Variants in HINFP observed in about 807,000 individuals in gnomAD.
HINFP encodes the protein MBD2 (methyl-CpG-binding protein)-interacting zinc finger protein.
Under a neutral mutation model 50.1 loss-of-function variants are expected in HINFP, and 20 were observed. That is an observed-to-expected ratio of 0.40 (90% confidence interval 0.28 to 0.58). The LOEUF (loss-of-function observed/expected upper bound fraction) is 0.58. Among genes scored for constraint, HINFP ranks in the 20% least tolerant of loss-of-function variants. HINFP has a pLI of 0.45. For missense variants in HINFP, 505 were observed against 664.1 expected, an observed-to-expected ratio of 0.76 and a Z score of 2.63; for synonymous variants, 247 against 243.7, an observed-to-expected ratio of 1.01 and a Z score of -0.13.
At chr11:119,124,139 T>C (rs1430754199) in intron 1 of HINFP, 1 of 152,122 alleles carries the variant, frequency 6.6e-6, no homozygotes, top group Non-Finnish European at 1.5e-5. Context: ...GTAATAGGGA[T>C]TCACTAGTAG....
intron 1 of HINFP, among the ~76,000 whole-genome samples, chr11:119,122,363 C>T (rs1947117984): frequency 6.6e-6 from 1 of 152,196 alleles, no homozygotes; most frequent in Admixed American, 6.5e-5. Context: ...AATATTTGTG[C>T]TCGGCACAGT....
chr11:119,125,577 T>G (rs1470967274), intron 1 of HINFP: 1 of 152,148 alleles, frequency 6.6e-6, no homozygotes, highest in African/African-American at 2.4e-5. Context: ...CTTGGGAGGC[T>G]GAGGTAGGAG....
chr11:119,131,461 A>G lies in HINFP; in HGVS notation c.412-74A>G. The G allele has an allele frequency of 9.7e-7, 1 of 1,029,444 alleles. No individual in the cohort carries two copies. Among genetic ancestry groups the G allele is most frequent in the South Asian group, 1.3e-5 (1 of 79,080 alleles). 63.8% of individuals were successfully genotyped at this position (1,029,444 alleles called of 1,614,324 possible). ...ATCAAGTTAATTTGGGAGAGAGCCA[A>G]GAATTCTTCGGGCACATAGGGGTGA... On this transcript the variant is annotated intron_variant, in intron 3 of 9. Coordinates refer to ENST00000350777, the MANE Select transcript of HINFP (RefSeq NM_198971.3). This position sits in a 1 kb window ranked among gnomAD's most constrained non-coding sequence, Gnocchi z 4.2.
At position 119,134,059 on chromosome 11, in the gene HINFP, G is replaced by A. The variant is rs1324629513; in HGVS notation, c.1140-25G>A. ...CTGTATCCCCCTGCCTGGGTTTGCT[G>A]CCCTTTATGCTCCTACCTCACCAGG... On this transcript the variant is annotated intron_variant, in intron 9 of 9. Coordinates refer to ENST00000350777, the MANE Select transcript of HINFP (RefSeq NM_198971.3). The surrounding 1 kb of genome is among the most constrained non-coding windows in gnomAD (Gnocchi z 4.3). The A allele has an allele frequency of 6.2e-7, 1 of 1,613,662 alleles. No homozygotes were observed. Among genetic ancestry groups the A allele is most frequent in the Non-Finnish European group, 8.5e-7 (1 of 1,179,758 alleles).
In HINFP at chr11:119,134,334, A is replaced by C; in HGVS notation, c.1390A>C (p.Ile464Leu). Residue 464 changes from isoleucine to leucine, a missense_variant, in exon 10 of 10, where the codon ATC becomes CTC. Coordinates refer to ENST00000350777, the MANE Select transcript of HINFP (RefSeq NM_198971.3). The surrounding 1 kb of genome is among the most constrained non-coding windows in gnomAD (Gnocchi z 4.3). ...CTCTCAGGACAACCCCAGTTCTGTC[A>C]TCCACGTGGTGAATCAGACCAATGC... ...SASQDNPSSVIHVVNQTNAQG... is the reference protein window; with the variant it reads ...SASQDNPSSVLHVVNQTNAQG... 19 of 1,614,186 alleles carry C rather than the reference A, an allele frequency of 1.2e-5. No individual in the cohort carries two copies. Among genetic ancestry groups the C allele is most frequent in the Non-Finnish European group, 1.6e-5 (19 of 1,180,002 alleles).
chr11:119,134,112 C>T lies in HINFP; in HGVS notation c.1168C>T (p.Arg390Trp), dbSNP rs867721201. 4.3e-6 allele frequency: 7 copies of T among 1,614,122 alleles called. No homozygotes were observed. The highest frequency in any genetic ancestry group is 5.9e-6 in the Non-Finnish European group (7 of 1,180,038). Residue 390 changes from arginine (R) to tryptophan (W), a missense_variant, in exon 10 of 10, where the codon CGG (arginine) becomes TGG (tryptophan). Physicochemically the swap from Arg to Trp is moderately radical, Grantham distance 101 (BLOSUM62 -3). Transcript: ENST00000350777. The surrounding 1 kb of genome is among the most constrained non-coding windows in gnomAD (Gnocchi z 4.3). ...CAAGGAACATGAAGATGGCTATATG[C>T]GGCTGCAGCTGGTTCGCTACGAGAG... Reference protein sequence around the residue: ...RYKEHEDGYMRLQLVRYESVE... With the variant: ...RYKEHEDGYMWLQLVRYESVE...
intron 2 of HINFP, chr11:119,127,389 G>T: frequency 8.0e-6 from 2 of 249,560 alleles, no homozygotes; most frequent in Non-Finnish European, 1.5e-5. Flanking sequence ...CTCTGCCTGT[G>T]TTTACATATA....
rs1205933418 is a variant in HINFP at position 119,135,112 on chromosome 11, C to T, written c.*614C>T. 1 of 152,624 alleles carries T rather than the reference C, an allele frequency of 6.6e-6. No individual in the cohort carries two copies. The highest frequency in any genetic ancestry group is 2.4e-5 in the African/African-American group (1 of 41,418). 9.5% of individuals were successfully genotyped at this position (152,624 alleles called of 1,614,324 possible). A position where few individuals can be genotyped will look rare whatever the true frequency, so the allele number is the denominator to read the frequency against. ...CTAGGTAATGAGGAGATACAGCCAC[C>T]CAGAAGAGGAGCTGAATAGTTAGGC... On this transcript the variant is annotated 3_prime_UTR_variant, in exon 10 of 10. Transcript: ENST00000350777.
rs759402292 is a variant in HINFP, at chr11:119,134,441, G to T, written c.1497G>T (p.Gly499=). The change falls in exon 10 of 10, where the codon GGG becomes GGT. Residue 499 remains glycine, a synonymous_variant. Transcript: ENST00000350777. The surrounding 1 kb of genome is among the most constrained non-coding windows in gnomAD (Gnocchi z 4.3). The part of the protein sequence containing the change: ...EPPPAPEPPS[G]GIMEKLQGIA... ...CCCCAGCCCCTGAGCCACCTTCAGG[G>T]GGCATCATGGAAAAGCTTCAAGGAA... The T allele has an allele frequency of 6.2e-7, 1 of 1,613,510 alleles. No individual in the cohort carries two copies.
Position 119,129,459 on chromosome 11 carries a change from A to C in HINFP, c.182-1266A>C, listed in dbSNP as rs182326716. Among the ~76,000 whole-genome samples the C allele has an allele frequency of 2.4e-3, 355 of 146,894 alleles. 4 individuals are homozygous for C. The highest frequency in any genetic ancestry group is 8.6e-3 in the African/African-American group (342 of 39,580). On this transcript the variant is annotated intron_variant, in intron 2 of 9. Transcript: ENST00000350777. ...GCAGCTGGGACTATAAGCATAAGCC[A>C]CTGCATCTGGCAGGAATACATTTTT...
At chr11:119,130,506 G>T (rs1236693491) in intron 2 of HINFP, 1 of 547,558 alleles carries the variant, frequency 1.8e-6, no homozygotes, top group Non-Finnish European at 3.3e-6. Context: ...CTATGTGAGG[G>T]CAAGGAGTGG....
intron 5 of HINFP, 65 bp downstream of exon 5, chr11:119,132,047 T>G: frequency 6.3e-7 from 1 of 1,579,944 alleles, no homozygotes; most frequent in Non-Finnish European, 8.6e-7. Flanking sequence ...AGGGGCATGT[T>G]TCTAGTGGGG....
intron 1 of HINFP, among the ~76,000 whole-genome samples, chr11:119,123,189 G>A (rs28489214): frequency 0.53 from 78,289 of 147,496 alleles, 21,798 homozygotes; most frequent in African/African-American, 0.63. Context: ...AGAATGTAGA[G>A]TATTCAGAGA....
At position 119,132,921 on chromosome 11, in the gene HINFP, C is replaced by T. The variant is rs748719286; in HGVS notation, c.933C>T (p.Ala311=). 7.4e-6 allele frequency: 12 copies of T among 1,614,122 alleles called. No homozygotes were observed. The highest frequency in any genetic ancestry group is 1.1e-5 in the South Asian group (1 of 91,092). ...KHLDTHSEEP[A]YRCDFENCTF... is the part of the protein sequence containing the mutation. ...TGGATACCCACAGCGAGGAGCCAGC[C>T]TACAGGTGTGATTTTGAGAACTGCA... is the stretch of plus-strand genomic sequence containing the variant. The change falls in exon 8 of 10, where the codon GCC becomes GCT. Residue 311 remains alanine (A), a synonymous_variant. Coordinates refer to ENST00000350777, the MANE Select transcript of HINFP (RefSeq NM_198971.3).
chr11:119,133,693 GT>G, intron 9 of HINFP: 1 of 267,426 alleles, frequency 3.7e-6, no homozygotes, highest in Non-Finnish European at 7.1e-6. Context: ...TTATTTTTCT[GT>G]TTTTTGAATC....
chr11:119,125,302 G>A (rs529853847), intron 1 of HINFP: 1 of 152,130 alleles, frequency 6.6e-6, no homozygotes, highest in African/African-American at 2.4e-5. Flanking sequence ...GCCTCCCAGA[G>A]TGCTGGGATT....
chr11:119,134,005 G>T lies in HINFP; in HGVS notation c.1140-79G>T. The T allele has an allele frequency of 6.3e-7, 1 of 1,598,790 alleles. No homozygotes were observed. Among genetic ancestry groups the T allele is most frequent in the Admixed American group, 1.7e-5 (1 of 59,734 alleles). On this transcript the variant is annotated intron_variant, in intron 9 of 9. Transcript: ENST00000350777. The surrounding 1 kb of genome is among the most constrained non-coding windows in gnomAD (Gnocchi z 4.3). ...AGGACTTCTTCCATCCCTCATGTTT[G>T]TTCCTTACTTTGCCAGCCTCGGCCA... is the stretch of plus-strand genomic sequence containing the variant.
intron 1 of HINFP, 96 bp from the exon 2 acceptor site, chr11:119,126,839 C>T (rs559935609): frequency 4.3e-5 from 45 of 1,037,820 alleles, no homozygotes; most frequent in South Asian, 1.5e-4. Context: ...TGGAACAACA[C>T]GTGCTGATTC....
At position 119,131,658 on chromosome 11, in the gene HINFP, TCTTAA is replaced by T. The variant is rs761297998; in HGVS notation, c.523+16_523+20del. ...GTGTGGCTGGAAAGGTAGGGCTGCT[TCTTAA>T]CTTGTGGCTTCTGGAGGAAACGCTG... is the stretch of plus-strand genomic sequence containing the variant. On this transcript the variant is annotated intron_variant, in intron 4 of 9. Coordinates refer to ENST00000350777, the MANE Select transcript of HINFP (RefSeq NM_198971.3). The surrounding 1 kb of genome is among the most constrained non-coding windows in gnomAD (Gnocchi z 4.2). 1.9e-6 allele frequency: 3 copies of T among 1,609,834 alleles called. No homozygotes were observed. The highest frequency in any genetic ancestry group is 1.7e-5 in the Admixed American group (1 of 59,994).
Sources: allele counts gnomAD v4.1 joint callset (sites outside exome capture counted in the v4.1 genomes callset), GRCh38; gene constraint gnomAD v4.1.1; non-coding constraint Gnocchi (gnomAD v3.1); transcripts MANE v1.5; gene names NCBI Gene and HGNC (gene_info 2026-07-23, HGNC 2026-07-21).